N4BP1: variants seen among roughly 807,000 people sequenced by gnomAD.
N4BP1 encodes the protein NEDD4-binding protein 1.
Under a neutral mutation model 70.9 loss-of-function variants are expected in N4BP1, and 21 were observed. That is an observed-to-expected ratio of 0.30 (90% CI 0.21 to 0.43). The LOEUF is 0.43. Ranked by LOEUF, N4BP1 falls within the 20% of genes least tolerant of loss-of-function variation. The pLI is 1.00. For missense variants in N4BP1, 936 were observed against 1,069.4 expected, an observed-to-expected ratio of 0.88 and a Z score of 1.74; for synonymous variants, 387 against 394.6, an observed-to-expected ratio of 0.98 and a Z score of 0.23.
chr16:48,604,145 C>T (rs1441574508), intron 1 of N4BP1, among the ~76,000 whole-genome samples: 3 of 152,250 alleles, frequency 2.0e-5, no homozygotes, highest in Non-Finnish European at 2.9e-5. Flanking sequence ...AGCAGTTCCA[C>T]TGCACCTAAC....
At chr16:48,553,725 T>A in intron 2 of N4BP1, 56 bp from the exon 3 acceptor site, 1 of 1,370,434 alleles carries the variant, frequency 7.3e-7, no homozygotes, top group Non-Finnish European at 9.7e-7. Flanking sequence ...TAAAGCACAG[T>A]AAGTTTCACC....
chr16:48,561,217 C>G lies in N4BP1; in HGVS notation c.1426G>C (p.Gly476Arg), dbSNP rs1429277977. 1.2e-6 allele frequency: 2 copies of G among 1,613,928 alleles called. No homozygotes were observed. The highest frequency in any genetic ancestry group is 2.2e-5 in the East Asian group (1 of 44,884). ...VPIEQKHEVW[G>R]SNQNYICNTD... ...TTACAAATGTAGTTCTGGTTTGAAC[C>G]CCAGACTTCATGTTTCTGTTCTATT... The change falls in exon 2 of 7, where the codon GGT (glycine) becomes CGT (arginine). Residue 476 changes from glycine (G) to arginine (R), a missense_variant. Gly to Arg is a moderately radical substitution (Grantham distance 125). Around this residue, in one of 4 missense-constraint regions of N4BP1, gnomAD observed 515 missense variants for 491.7 expected, o/e 1.05. Coordinates refer to ENST00000262384, the MANE Select transcript of N4BP1 (RefSeq NM_153029.4).
At chr16:48,597,985 G>C (rs1964442322) in intron 1 of N4BP1, among the ~76,000 whole-genome samples, 1 of 152,178 alleles carries the variant, frequency 6.6e-6, no homozygotes, top group Non-Finnish European at 1.5e-5. Flanking sequence ...GGTTATTCCT[G>C]AGCAAACAGC....
At chr16:48,588,204 G>A (rs1309465734) in intron 1 of N4BP1, among the ~76,000 whole-genome samples, 2 of 151,544 alleles carry the variant, frequency 1.3e-5, no homozygotes, top group African/African-American at 4.8e-5. Flanking sequence ...ATGTTATATA[G>A]AAGGGGACGC....
In N4BP1 at chr16:48,561,377, T is replaced by G. The variant is rs774913066; in HGVS notation, c.1266A>C (p.Thr422=). 30 of 1,613,856 alleles carry G rather than the reference T, an allele frequency of 1.9e-5. No individual in the cohort carries two copies. Among genetic ancestry groups the G allele is most frequent in the Non-Finnish European group, 2.4e-5 (28 of 1,179,880 alleles). The change falls in exon 2 of 7, where the codon ACA becomes ACC. Residue 422 remains threonine (T), a synonymous_variant. Coordinates refer to ENST00000262384, the MANE Select transcript of N4BP1 (RefSeq NM_153029.4). The part of the protein sequence containing the change: ...KGVYSSTNEL[T]TDSTPKKTQA... Reference sequence around the variant, plus strand: ...GTGTTTTCTTTGGAGTGGAATCAGTTGTAAGCTCATTTGTGCTGCTATAAA... The same window carrying G: ...GTGTTTTCTTTGGAGTGGAATCAGTGGTAAGCTCATTTGTGCTGCTATAAA...
chr16:48,582,858 C>T (rs1008506900), intron 1 of N4BP1, among the ~76,000 whole-genome samples: 14 of 152,026 alleles, frequency 9.2e-5, no homozygotes, highest in African/African-American at 2.9e-4. Context: ...CTTGGGGAGG[C>T]CAGGAGTTTG....
intron 2 of N4BP1, among the ~76,000 whole-genome samples, chr16:48,554,886 GC>G (rs1407020119): frequency 6.6e-6 from 1 of 152,128 alleles, no homozygotes; most frequent in Non-Finnish European, 1.5e-5. Context: ...GCCTTCAAAG[GC>G]ACTGTCCTAC....
At chr16:48,605,358 C>A (rs987757178) in intron 1 of N4BP1, among the ~76,000 whole-genome samples, 1 of 152,166 alleles carries the variant, frequency 6.6e-6, no homozygotes. Context: ...ACTCGTCTCA[C>A]CCCCACGGCT....
chr16:48,573,084 G>C (rs1221830171), intron 1 of N4BP1, among the ~76,000 whole-genome samples: 1 of 149,900 alleles, frequency 6.7e-6, no homozygotes, highest in Non-Finnish European at 1.5e-5. Flanking sequence ...ACTCTAGCCT[G>C]GGCAACAGAG....
In N4BP1 at chr16:48,560,961, A is replaced by C; in HGVS notation, c.1682T>G (p.Leu561Arg). Residue 561 changes from leucine to arginine, a missense_variant, in exon 2 of 7, where the codon CTT becomes CGT. Physicochemically the swap from Leu to Arg is moderately radical, Grantham distance 102. This residue lies in a region of N4BP1 where 515 missense variants were observed against 491.7 expected (regional missense o/e 1.05). Transcript: ENST00000262384. ...CTGGGGCAGTGGCATTGGTGGAGAA[A>C]GGGTTGAGCAATTTGGCTTAGAATG... is the stretch of plus-strand genomic sequence containing the variant. The part of the protein sequence containing the change: ...SPHSKPNCST[L>R]SPPMPLPQLL... 1 of 1,613,990 alleles carries C rather than the reference A, an allele frequency of 6.2e-7. No individual in the cohort carries two copies. Among genetic ancestry groups the C allele is most frequent in the Non-Finnish European group, 8.5e-7 (1 of 1,179,874 alleles).
At chr16:48,595,214 C>T (rs1597111857) in intron 1 of N4BP1, among the ~76,000 whole-genome samples, 1 of 152,052 alleles carries the variant, frequency 6.6e-6, no homozygotes, top group Non-Finnish European at 1.5e-5. Flanking sequence ...GTAATCCCAG[C>T]ACTTTGGGAG....
Position 48,560,942 on chromosome 16 carries a change from C to G in N4BP1, c.1701G>C (p.Leu567=). The G allele has an allele frequency of 3.7e-6, 6 of 1,613,986 alleles. No homozygotes were observed. In the Middle Eastern group the frequency reaches 4.9e-4, roughly 133 times the overall value. The change falls in exon 2 of 7, where the codon CTG becomes CTC. Residue 567 remains leucine, a synonymous_variant. Transcript: ENST00000262384. ...NCSTLSPPMP[L]PQLLPSVTDA... is the part of the protein sequence containing the mutation. ...CAGTAACCGAAGGTAACAGCTGGGG[C>G]AGTGGCATTGGTGGAGAAAGGGTTG...
At chr16:48,604,420 G>C (rs1344119548) in intron 1 of N4BP1, among the ~76,000 whole-genome samples, 1 of 151,954 alleles carries the variant, frequency 6.6e-6, no homozygotes, top group Non-Finnish European at 1.5e-5. Flanking sequence ...GGGCATGGTG[G>C]CACATGCCTG....
At chr16:48,548,706 G>A (rs1006319770) in intron 4 of N4BP1, among the ~76,000 whole-genome samples, 10 of 151,890 alleles carry the variant, frequency 6.6e-5, no homozygotes, top group South Asian at 4.2e-4. Flanking sequence ...AAAATTAGCC[G>A]GGTGTTCCCT....
chr16:48,560,694 T>C, intron 2 of N4BP1, 60 bp downstream of exon 2: 5 of 1,535,726 alleles, frequency 3.3e-6, no homozygotes, highest in Non-Finnish European at 4.4e-6. Context: ...ATACATGTGA[T>C]TCTGAGACAC....
intron 1 of N4BP1, among the ~76,000 whole-genome samples, chr16:48,601,540 T>C (rs1597115062): frequency 6.6e-6 from 1 of 152,112 alleles, no homozygotes; most frequent in Non-Finnish European, 1.5e-5. Flanking sequence ...GGTAGGTAGG[T>C]AATTTCAATC....
chr16:48,602,655 C>T (rs1021578415), intron 1 of N4BP1, among the ~76,000 whole-genome samples: 3 of 152,070 alleles, frequency 2.0e-5, no homozygotes, highest in Non-Finnish European at 2.9e-5. Context: ...AACCTTCTTC[C>T]TGGTAAAATC....
In N4BP1 at chr16:48,604,602, T is replaced by TAAA. The variant is rs11423007; in HGVS notation, c.198+5170_198+5172dup. Among the ~76,000 whole-genome samples the TAAA allele has an allele frequency of 2.9e-3, 402 of 138,532 alleles. 2 individuals are homozygous for TAAA. Among genetic ancestry groups the TAAA allele is most frequent in the African/African-American group, 6.1e-3 (229 of 37,362 alleles). The allele number at this position is 138,532 out of a possible 152,430, so 90.9% of individuals were successfully genotyped here. The stretch of plus-strand genomic sequence containing the variant: ...ACAAACAAAAAAAAACAAAAAAAGG[T>TAAA]AAAAAAAAAAACAAAAACAAAAACT... On this transcript the variant is annotated intron_variant, in intron 1 of 6. Coordinates refer to ENST00000262384, the MANE Select transcript of N4BP1 (RefSeq NM_153029.4).
In N4BP1 at chr16:48,580,364, C is replaced by T. The variant is rs187645899; in HGVS notation, c.199-17920G>A. On this transcript the variant is annotated intron_variant, in intron 1 of 6. Coordinates refer to ENST00000262384, the MANE Select transcript of N4BP1 (RefSeq NM_153029.4). ...TGGATAAATTCCTTGACACATACAA[C>T]CTACCAAGATTGAATTAGGAATAGA... Among the ~76,000 whole-genome samples, 347 of 152,138 alleles carry T rather than the reference C, an allele frequency of 2.3e-3. 2 individuals carry two copies. The highest frequency in any genetic ancestry group is 8.0e-3 in the African/African-American group (334 of 41,522).
Sources: gnomAD v4.1 joint callset for allele counts (sites outside exome capture counted in the v4.1 genomes callset) on GRCh38, gnomAD v4.1.1 for gene constraint, gnomAD v4.1.1 regional missense constraint, MANE v1.5 for transcripts, NCBI Gene and HGNC (gene_info 2026-07-23, HGNC 2026-07-21) for gene names.